Variants in PCDHA10 observed in about 807,000 individuals in gnomAD.
PCDHA10 encodes the protein protocadherin alpha 10.
A neutral mutation model predicts 61.2 loss-of-function variants in PCDHA10; 45 were observed. The observed-to-expected ratio is 0.74, with a 90% CI of 0.58 to 0.94. The LOEUF (loss-of-function observed/expected upper bound fraction) is 0.94, where lower values mean the gene tolerates loss of function less well. Ranked by LOEUF, PCDHA10 falls within the 40% of genes least tolerant of loss-of-function variation. The pLI is 0.00. For missense variants in PCDHA10, 1,278 were observed against 1,236.2 expected, an observed-to-expected ratio of 1.03 and a Z score of -0.51; for synonymous variants, 602 against 548.8, an observed-to-expected ratio of 1.10 and a Z score of -1.35.
At chr5:140,859,390 C>A (rs911308831) in intron 1 of PCDHA10, 1 of 268,118 alleles carries the variant, frequency 3.7e-6, no homozygotes, top group Non-Finnish European at 6.7e-6. Context: ...CTCTAGTCAT[C>A]TTAAACAGGG....
At chr5:140,918,237 T>C (rs2078587640) in intron 1 of PCDHA10, among the ~76,000 whole-genome samples, 2 of 152,240 alleles carry the variant, frequency 1.3e-5, no homozygotes, top group Admixed American at 1.3e-4. Context: ...TGTACATTGA[T>C]TTTGTATGCT....
chr5:140,932,975 A>G (rs2088770619), intron 1 of PCDHA10, among the ~76,000 whole-genome samples: 1 of 152,012 alleles, frequency 6.6e-6, no homozygotes, highest in African/African-American at 2.4e-5. Flanking sequence ...GGTTTTTACA[A>G]TGCTCAAATG....
chr5:140,875,987 TA>T (rs1165213326), intron 1 of PCDHA10: 1 of 1,613,914 alleles, frequency 6.2e-7, no homozygotes, highest in East Asian at 2.2e-5. Context: ...ACCTATGCGT[TA>T]AGTCTAAATG....
Position 140,856,334 on chromosome 5 carries a change from G to C in PCDHA10, c.286G>C (p.Gly96Arg), listed in dbSNP as rs1262477114. 11 of 1,598,498 alleles carry C rather than the reference G, an allele frequency of 6.9e-6. 1 individual carries two copies. The Admixed American group carries it at 1.3e-4, about 20-fold the overall frequency. The change falls in exon 1 of 4, where the codon GGG becomes CGG. Residue 96 changes from glycine to arginine, a missense_variant. Gly to Arg is a moderately radical substitution (Grantham distance 125). Coordinates refer to ENST00000307360, the MANE Select transcript of PCDHA10 (RefSeq NM_018901.4). ...NSRIDREELCGRSVECSIHLE... is the reference protein window; with the variant it reads ...NSRIDREELCRRSVECSIHLE... ...TCGGATTGACCGCGAGGAGCTGTGC[G>C]GGCGGAGCGTGGAGTGCAGCATCCA...
At chr5:140,942,422 G>C (rs1445298712) in intron 1 of PCDHA10, among the ~76,000 whole-genome samples, 3 of 150,866 alleles carry the variant, frequency 2.0e-5, no homozygotes, top group Non-Finnish European at 4.4e-5. Context: ...AAAAAAAAAA[G>C]ATATCTAACA....
At chr5:140,880,693 T>C (rs2058435381) in intron 1 of PCDHA10, among the ~76,000 whole-genome samples, 1 of 152,222 alleles carries the variant, frequency 6.6e-6, no homozygotes. Context: ...TAGTCATGGT[T>C]AAGTGACAAT....
chr5:140,877,321 G>A (rs1554169599), intron 1 of PCDHA10: 2 of 1,614,000 alleles, frequency 1.2e-6, no homozygotes, highest in South Asian at 2.2e-5. Context: ...GGCGGCGGTC[G>A]GCGCGCACAT....
At chr5:140,883,792 G>C (rs1050179503) in intron 1 of PCDHA10, 7 of 1,612,560 alleles carry the variant, frequency 4.3e-6, no homozygotes, top group African/African-American at 1.3e-5. Flanking sequence ...CGAGCTACGT[G>C]TCGGTGCACG....
At chr5:140,997,465 A>G (rs1427334533) in intron 3 of PCDHA10, among the ~76,000 whole-genome samples, 1 of 152,182 alleles carries the variant, frequency 6.6e-6, no homozygotes, top group Non-Finnish European at 1.5e-5. Flanking sequence ...ACTGTAGGCA[A>G]TTTTTACACA....
chr5:140,975,149 T>A (rs990599895), intron 1 of PCDHA10, among the ~76,000 whole-genome samples: 1 of 152,202 alleles, frequency 6.6e-6, no homozygotes, highest in Non-Finnish European at 1.5e-5. Flanking sequence ...CACTCTCAGT[T>A]CCTAGAGAAC....
chr5:140,957,014 G>A (rs2095325954), intron 1 of PCDHA10, among the ~76,000 whole-genome samples: 1 of 152,124 alleles, frequency 6.6e-6, no homozygotes, highest in South Asian at 2.1e-4. Flanking sequence ...ATTTCTCAGT[G>A]AGCATTTAGA....
chr5:140,877,698 C>T, intron 1 of PCDHA10: 2 of 1,613,958 alleles, frequency 1.2e-6, no homozygotes, highest in Non-Finnish European at 1.7e-6. Context: ...TGGTGTGCTC[C>T]AGCGCCGTGG....
Position 140,856,680 on chromosome 5 carries a change from T to C in PCDHA10, c.632T>C (p.Leu211Ser). 1 of 1,596,810 alleles carries C rather than the reference T, an allele frequency of 6.3e-7. No homozygotes were observed. ...GAAAATCCTCAGCTAAAGTTGTTGT[T>C]GACAGCAACTGATGGAGGCAAACCT... Reference protein sequence around the residue: ...REENPQLKLLLTATDGGKPEF... With the variant: ...REENPQLKLLSTATDGGKPEF... Residue 211 changes from leucine (L) to serine (S), a missense_variant, in exon 1 of 4, where the codon TTG becomes TCG. Coordinates refer to ENST00000307360, the MANE Select transcript of PCDHA10 (RefSeq NM_018901.4).
chr5:140,856,554 A>G lies in PCDHA10; in HGVS notation c.506A>G (p.Tyr169Cys). The G allele has an allele frequency of 1.3e-6, 2 of 1,598,244 alleles. No homozygotes were observed. Among genetic ancestry groups the G allele is most frequent in the Non-Finnish European group, 1.7e-6 (2 of 1,167,660 alleles). Residue 169 changes from tyrosine (Y) to cysteine (C), a missense_variant, in exon 1 of 4, where the codon TAC becomes TGC. By Grantham distance (194) the Tyr-to-Cys change is radical. Transcript: ENST00000307360. ...GTTGGAGAGAACGCATTGCTTACTT[A>G]CAAACTCAGTCCAAATGAGTATTTT... The part of the protein sequence containing the change: ...ADVGENALLT[Y>C]KLSPNEYFVL...
chr5:140,993,462 TCACACACACACA>T (rs3836747), intron 3 of PCDHA10, among the ~76,000 whole-genome samples: 1,999 of 141,038 alleles, frequency 0.014, 48 homozygotes, highest in African/African-American at 0.047. Context: ...TCTTTCTTTC[TCACACACACACA>T]CACACACACA....
At chr5:140,927,639 G>T in intron 1 of PCDHA10, 11 of 1,614,194 alleles carry the variant, frequency 6.8e-6, no homozygotes, top group Non-Finnish European at 9.3e-6. Flanking sequence ...CACCCAATGG[G>T]ACTGTGTTAT....
chr5:140,977,314 C>CTCCTGATG (rs1482871612), intron 1 of PCDHA10, among the ~76,000 whole-genome samples: 1 of 152,152 alleles, frequency 6.6e-6, no homozygotes, highest in African/African-American at 2.4e-5. Context: ...AACGATAGTG[C>CTCCTGATG]TCCTGATGGC....
In PCDHA10 at chr5:140,982,489, A is replaced by G. The variant is rs782634646; in HGVS notation, c.2462A>G (p.Glu821Gly). The change falls in exon 3 of 4, where the codon GAG (glutamate) becomes GGG (glycine). Residue 821 changes from glutamate to glycine, a missense_variant. By Grantham distance (98) the Glu-to-Gly change is moderately conservative. Transcript: ENST00000307360. ...RAGMHSSVHL[E>G]EAGILRAGPG... ...TGTTTATTCAGCTCTGTGCACCTAG[A>G]GGAGGCTGGCATTCTACGGGCTGGT... 3 of 1,614,066 alleles carry G rather than the reference A, an allele frequency of 1.9e-6. No individual in the cohort carries two copies. The African/African-American group carries it at 4.0e-5, about 22-fold the overall frequency.
intron 1 of PCDHA10, among the ~76,000 whole-genome samples, chr5:140,873,769 T>G (rs1554166882): frequency 6.6e-6 from 1 of 151,412 alleles, no homozygotes; most frequent in Non-Finnish European, 1.5e-5. Flanking sequence ...CAAGCAATTC[T>G]CCTGCCTCAG....
Sources: gnomAD v4.1 joint callset for allele counts (sites outside exome capture counted in the v4.1 genomes callset) on GRCh38, gnomAD v4.1.1 for gene constraint, MANE v1.5 for transcripts, NCBI Gene and HGNC (gene_info 2026-07-23, HGNC 2026-07-21) for gene names.